Variants in NDUFAF5 observed in about 807,000 individuals in gnomAD.
The protein encoded by NDUFAF5 is NADH:ubiquinone oxidoreductase complex assembly factor 5.
NDUFAF5 carries 34 observed loss-of-function variants against 48.9 expected under a neutral mutation model. That is an observed-to-expected ratio of 0.70 (90% confidence interval 0.53 to 0.93). NDUFAF5 has a LOEUF of 0.93. Ranked by LOEUF, NDUFAF5 falls within the 40% of genes least tolerant of loss-of-function variation. The probability of loss-of-function intolerance (pLI) is 0.00; values close to 1 mark genes in which losing one functional copy is unlikely to be tolerated. For missense variants in NDUFAF5, 428 were observed against 427.5 expected, an observed-to-expected ratio of 1.00 and a Z score of -0.01; for synonymous variants, 153 against 150.6, an observed-to-expected ratio of 1.02 and a Z score of -0.12.
chr20:13,801,946 T>C, intron 7 of NDUFAF5: 1 of 404,432 alleles, frequency 2.5e-6, no homozygotes. Context: ...ACAAGACAAA[T>C]TTCTAAACAT....
intron 7 of NDUFAF5, among the ~76,000 whole-genome samples, chr20:13,808,354 T>A (rs765754114): frequency 3.3e-5 from 5 of 152,116 alleles, no homozygotes; most frequent in Non-Finnish European, 5.9e-5. Context: ...AGAAACAAAC[T>A]CCACATGTAT....
At chr20:13,811,975 TCTTTA>T in intron 8 of NDUFAF5, among the ~76,000 whole-genome samples, 1 of 152,338 alleles carries the variant, frequency 6.6e-6, no homozygotes, top group South Asian at 2.1e-4. Flanking sequence ...AAGTATCTAG[TCTTTA>T]CTTACAGATT....
rs367645690 is a variant in NDUFAF5, at chr20:13,801,522, G to A, written c.556G>A (p.Gly186Ser). ...YILKPDGVFI[G>S]AMFGGDTLYE... ...TTTAAAACCAGATGGAGTGTTTATC[G>A]GTGCAATGTTTGGAGGCGACACACT... Residue 186 changes from glycine to serine, a missense_variant, in exon 7 of 11, where the codon GGT becomes AGT. By Grantham distance (56) the Gly-to-Ser change is moderately conservative (BLOSUM62 0). Transcript: ENST00000378106. The A allele has an allele frequency of 2.7e-5, 43 of 1,613,174 alleles. No individual in the cohort carries two copies. Among genetic ancestry groups the A allele is most frequent in the Non-Finnish European group, 3.3e-5 (39 of 1,179,578 alleles).
intron 7 of NDUFAF5, among the ~76,000 whole-genome samples, chr20:13,804,252 G>T (rs780769888): frequency 1.3e-5 from 2 of 152,040 alleles, no homozygotes; most frequent in Non-Finnish European, 2.9e-5. Context: ...ATAACCCATC[G>T]TAGAATAAGA....
In NDUFAF5 at chr20:13,820,081, AC is replaced by A. The variant is rs1190250881; in HGVS notation, c.*2873del. 2 of 152,178 alleles carry A rather than the reference AC, an allele frequency of 1.3e-5. No individual in the cohort carries two copies. Among genetic ancestry groups the A allele is most frequent in the Non-Finnish European group, 2.9e-5 (2 of 68,034 alleles). The allele number at this position is 152,178 out of a possible 1,614,324, so 9.4% of individuals were successfully genotyped here. On this transcript the variant is annotated 3_prime_UTR_variant, in exon 11 of 11. Coordinates refer to ENST00000378106, the MANE Select transcript of NDUFAF5 (RefSeq NM_024120.5). ...GGCTCTAGTATGTGCACACCGTGAC[AC>A]CTGTTGGCTGCCAGGAGACTGTTTG...
At chr20:13,816,623 A>G (rs1986498459) in intron 9 of NDUFAF5, 77 bp downstream of exon 9, 6 of 1,191,242 alleles carry the variant, frequency 5.0e-6, no homozygotes, top group African/African-American at 1.5e-5. Flanking sequence ...CACGTTGCCA[A>G]TGCATTTTCC....
In NDUFAF5 at chr20:13,820,801, A is replaced by G. The variant is rs955759718; in HGVS notation, c.*3591A>G. On this transcript the variant is annotated 3_prime_UTR_variant, in exon 11 of 11. Coordinates refer to ENST00000378106, the MANE Select transcript of NDUFAF5 (RefSeq NM_024120.5). ...GCTTCTGTGAAGGAAAGAAGTGAAT[A>G]TTAGTAGATATTTGGAAAAAAGAAA... 4 of 152,224 alleles carry G rather than the reference A, an allele frequency of 2.6e-5. No individual in the cohort carries two copies. The highest frequency in any genetic ancestry group is 7.2e-5 in the African/African-American group (3 of 41,452). 9.4% of individuals were successfully genotyped at this position (152,224 alleles called of 1,614,324 possible).
At chr20:13,793,342 A>G (rs575962282) in intron 4 of NDUFAF5, 115 bp downstream of exon 4, 1 of 930,218 alleles carries the variant, frequency 1.1e-6, no homozygotes. Flanking sequence ...ATGAAAAGGA[A>G]CTCATACAGG....
Position 13,788,646 on chromosome 20 carries a change from G to A in NDUFAF5, c.321G>A (p.Leu107=). 1 of 1,603,336 alleles carries A rather than the reference G, an allele frequency of 6.2e-7. No homozygotes were observed. Residue 107 remains leucine (L), a synonymous_variant, in exon 3 of 11, where the codon TTG becomes TTA. Transcript: ENST00000378106. ...GCGRGYIAQY[L]NKETIGKFFQ... ...GAAGAGGTTACATTGCACAATATTTGAATAAGGTATATTTATTCAATGACC... is the reference window on the plus strand; with the variant it reads ...GAAGAGGTTACATTGCACAATATTTAAATAAGGTATATTTATTCAATGACC...
chr20:13,794,978 A>G (rs758660150), intron 5 of NDUFAF5, 37 bp downstream of exon 5: 8 of 1,387,542 alleles, frequency 5.8e-6, no homozygotes, highest in Non-Finnish European at 8.2e-6. Flanking sequence ...TATGTTATAA[A>G]CAGATCATTC....
At chr20:13,808,136 C>T (rs1985342351) in intron 7 of NDUFAF5, among the ~76,000 whole-genome samples, 1 of 152,110 alleles carries the variant, frequency 6.6e-6, no homozygotes, top group Non-Finnish European at 1.5e-5. Flanking sequence ...ATCACCACAG[C>T]AAAAGAGATG....
Position 13,816,374 on chromosome 20 carries a change from C to T in NDUFAF5, c.779-89C>T, listed in dbSNP as rs1986456759. On this transcript the variant is annotated intron_variant, in intron 8 of 10. Transcript: ENST00000378106. ...CCCTTAGAGAATGAGGACAGGTATACTGTTAGATGAGACGGGATTAAGTCT... is the reference window on the plus strand; with the variant it reads ...CCCTTAGAGAATGAGGACAGGTATATTGTTAGATGAGACGGGATTAAGTCT... 5.8e-6 allele frequency: 5 copies of T among 867,684 alleles called. No homozygotes were observed. The East Asian group carries it at 1.2e-4, about 21-fold the overall frequency. 53.7% of individuals were successfully genotyped at this position (867,684 alleles called of 1,614,324 possible).
At position 13,821,186 on chromosome 20, in the gene NDUFAF5, G is replaced by A. The variant is rs2144540; in HGVS notation, c.*3976G>A. On this transcript the variant is annotated 3_prime_UTR_variant, in exon 11 of 11. Coordinates refer to ENST00000378106, the MANE Select transcript of NDUFAF5 (RefSeq NM_024120.5). The stretch of plus-strand genomic sequence containing the variant: ...TTTTTGATATGCTTCTCTTTAAGAC[G>A]GGACACTTCATTCCCCTCTAAGTAC... The A allele has an allele frequency of 0.94, 142,423 of 152,298 alleles. 66,829 individuals carry two copies. Among genetic ancestry groups the A allele is most frequent in the African/African-American group, 0.98 (40,638 of 41,562 alleles). 9.4% of individuals were successfully genotyped at this position (152,298 alleles called of 1,614,324 possible). A position where few individuals can be genotyped will look rare whatever the true frequency, so the allele number is the denominator to read the frequency against.
At chr20:13,807,383 A>G (rs534032355) in intron 7 of NDUFAF5, among the ~76,000 whole-genome samples, 2 of 152,096 alleles carry the variant, frequency 1.3e-5, no homozygotes, top group Admixed American at 1.3e-4. Flanking sequence ...CCTTTCCCCA[A>G]AGATTTGTTA....
intron 6 of NDUFAF5, among the ~76,000 whole-genome samples, chr20:13,800,248 G>A (rs1211176518): frequency 2.0e-5 from 3 of 152,098 alleles, no homozygotes; most frequent in African/African-American, 7.2e-5. Flanking sequence ...TTAGGTATTT[G>A]GTTTAGTAGA....
chr20:13,804,281 A>G lies in NDUFAF5; in HGVS notation c.717+2598A>G, dbSNP rs1483078600. On this transcript the variant is annotated intron_variant, in intron 7 of 10. Transcript: ENST00000378106. Reference sequence around the variant, plus strand: ...AATAAGAGGTAAAAAGCCAAATAGTATCTTGGTATTATTATGAAAATAATT... The same window carrying G: ...AATAAGAGGTAAAAAGCCAAATAGTGTCTTGGTATTATTATGAAAATAATT... Among the ~76,000 whole-genome samples the G allele has an allele frequency of 3.3e-5, 5 of 152,148 alleles. No individual in the cohort carries two copies. In the East Asian group the frequency reaches 5.8e-4, roughly 18 times the overall value.
chr20:13,796,967 ACT>A (rs921738499), intron 5 of NDUFAF5, among the ~76,000 whole-genome samples: 39 of 152,128 alleles, frequency 2.6e-4, no homozygotes, highest in African/African-American at 8.9e-4. Flanking sequence ...CAACAGCAAG[ACT>A]CTGTCTCAAA....
chr20:13,798,388 A>G, intron 5 of NDUFAF5, 73 bp from the exon 6 acceptor site: 1 of 1,091,404 alleles, frequency 9.2e-7, no homozygotes. Flanking sequence ...ATGGGTTATC[A>G]TTAACCTGGT....
At chr20:13,809,101 C>A in intron 8 of NDUFAF5, 199 bp downstream of exon 8, 1 of 593,956 alleles carries the variant, frequency 1.7e-6, no homozygotes. Flanking sequence ...AGGCAGGCAC[C>A]AGGCAGCTGT....
Sources: gnomAD v4.1 joint callset for allele counts (sites outside exome capture counted in the v4.1 genomes callset) on GRCh38, gnomAD v4.1.1 for gene constraint, MANE v1.5 for transcripts, NCBI Gene and HGNC (gene_info 2026-07-23, HGNC 2026-07-21) for gene names.